ZNG1F: variants seen among roughly 807,000 people sequenced by gnomAD.
The protein encoded by ZNG1F is zinc-regulated GTPase metalloprotein activator 1F.
chr9:41,168,401 T>C, the ZNG1F span, among the ~76,000 whole-genome samples: 1 of 25,994 alleles, frequency 3.8e-5, no homozygotes, highest in African/African-American at 7.7e-5. Context: ...AGTTTAATAT[T>C]TTTTTCATAA....
At chr9:41,172,041 T>G in the ZNG1F span, 1 of 78,758 alleles carries the variant, frequency 1.3e-5, no homozygotes, top group Non-Finnish European at 2.2e-5. Flanking sequence ...TTCTAGGACC[T>G]TAGAAGTTAA....
chr9:41,177,715 A>AG, the ZNG1F span: 2 of 115,474 alleles, frequency 1.7e-5, no homozygotes, highest in African/African-American at 7.4e-5. Context: ...TACAAAGTTG[A>AG]GGGGGAAAAA....
chr9:41,169,105 C>G, the ZNG1F span, among the ~76,000 whole-genome samples: 1 of 147,542 alleles, frequency 6.8e-6, no homozygotes, highest in Non-Finnish European at 1.5e-5. Flanking sequence ...GATAAATGTC[C>G]TCTTCTATGC....
the ZNG1F span, chr9:41,132,313 C>G: frequency 5.6e-6 from 9 of 1,604,870 alleles, 1 homozygote; most frequent in East Asian, 1.1e-4. Context: ...CATGGACACC[C>G]TGGACAATCA....
the ZNG1F span, among the ~76,000 whole-genome samples, chr9:41,166,470 ATAT>A: frequency 0.062 from 8,238 of 132,960 alleles, 79 homozygotes; most frequent in Middle Eastern, 0.12. Flanking sequence ...ATATATATAT[ATAT>A]AAAATCTTCA....
the ZNG1F span, chr9:41,183,780 T>C: frequency 6.4e-7 from 1 of 1,551,288 alleles, no homozygotes; most frequent in African/African-American, 1.4e-5. Context: ...TTATATTTTA[T>C]AACTTATATT....
the ZNG1F span, among the ~76,000 whole-genome samples, chr9:41,200,844 A>T: frequency 6.6e-6 from 1 of 151,872 alleles, no homozygotes; most frequent in Non-Finnish European, 1.5e-5. Context: ...ATCTTGTGAG[A>T]CTTTTTCACT....
At chr9:41,155,945 G>T in the ZNG1F span, among the ~76,000 whole-genome samples, 1 of 136,098 alleles carries the variant, frequency 7.3e-6, no homozygotes, top group African/African-American at 2.8e-5. Context: ...TAACTAACCT[G>T]CACATTGTGC....
the ZNG1F span, among the ~76,000 whole-genome samples, chr9:41,155,188 G>A: frequency 6.6e-6 from 1 of 151,308 alleles, no homozygotes; most frequent in Admixed American, 6.6e-5. Context: ...TCAAAAAGTG[G>A]GCGAAGGACA....
the ZNG1F span, among the ~76,000 whole-genome samples, chr9:41,169,156 T>A: frequency 6.6e-6 from 1 of 151,212 alleles, no homozygotes; most frequent in East Asian, 1.9e-4. Flanking sequence ...AATAAGTGCA[T>A]CTTAACATTT....
chr9:41,144,559 C>T, the ZNG1F span, among the ~76,000 whole-genome samples: 1 of 145,880 alleles, frequency 6.9e-6, no homozygotes, highest in African/African-American at 2.5e-5. Flanking sequence ...AATACAAATG[C>T]AAGTAGCTGT....
chr9:41,171,663 A>T, the ZNG1F span, among the ~76,000 whole-genome samples: 1 of 59,640 alleles, frequency 1.7e-5, no homozygotes, highest in Non-Finnish European at 3.1e-5. Context: ...AGACAAGGGA[A>T]TCGCTTGAAG....
At chr9:41,157,484 A>C in the ZNG1F span, 10 of 145,402 alleles carry the variant, frequency 6.9e-5, no homozygotes, top group Non-Finnish European at 1.4e-4. Flanking sequence ...AAAAAAAAGA[A>C]CAGCAGAGGA....
chr9:41,151,672 C>T, the ZNG1F span, among the ~76,000 whole-genome samples: 1 of 151,010 alleles, frequency 6.6e-6, no homozygotes, highest in Non-Finnish European at 1.5e-5. Flanking sequence ...ACTCTACAAG[C>T]CAGAAGAGAG....
the ZNG1F span, among the ~76,000 whole-genome samples, chr9:41,149,507 G>C: frequency 7.7e-6 from 1 of 129,780 alleles, no homozygotes; most frequent in Non-Finnish European, 1.6e-5. Context: ...ACTTAAAAAG[G>C]AAACCTTGCC....
Sources: gnomAD v4.1 joint callset for allele counts (sites outside exome capture counted in the v4.1 genomes callset) on GRCh38, gnomAD v4.1.1 for gene constraint, MANE v1.5 for transcripts, NCBI Gene and HGNC (gene_info 2026-07-23, HGNC 2026-07-21) for gene names.